Variants in VPS54 observed in about 807,000 individuals in gnomAD.
VPS54 encodes the protein vacuolar protein sorting-associated protein 54.
In VPS54, 45 loss-of-function variants were observed where a neutral mutation model predicts 121.5. The ratio of observed to expected loss-of-function variants is 0.37; its 90% CI spans 0.29 to 0.47. The LOEUF (loss-of-function observed/expected upper bound fraction) is 0.47. VPS54 is among the 20% of genes least tolerant of loss of function. VPS54 has a pLI of 0.99. For synonymous variants in VPS54, 371 were observed against 385.8 expected (o/e 0.96, Z 0.45); for missense variants, 1,090 against 1,131.4 (o/e 0.96, Z 0.52).
chr2:64,014,037 A>G (rs1340771128), intron 1 of VPS54, among the ~76,000 whole-genome samples: 1 of 148,520 alleles, frequency 6.7e-6, no homozygotes, highest in Non-Finnish European at 1.5e-5. Context: ...CTTAAAATAC[A>G]AAAATTTGCT....
At chr2:64,013,584 A>C (rs1559059870) in intron 1 of VPS54, among the ~76,000 whole-genome samples, 1 of 146,976 alleles carries the variant, frequency 6.8e-6, no homozygotes, top group African/African-American at 2.5e-5. Context: ...ATTTATATAT[A>C]AATATATATC....
intron 20 of VPS54, among the ~76,000 whole-genome samples, chr2:63,908,946 T>C (rs575503594): frequency 1.4e-4 from 22 of 152,312 alleles, no homozygotes; most frequent in Middle Eastern, 3.4e-3. Flanking sequence ...TGACAATGAA[T>C]TGCCTTAAAA....
intron 1 of VPS54, among the ~76,000 whole-genome samples, chr2:63,994,682 T>C (rs1677496241): frequency 6.6e-6 from 1 of 152,162 alleles, no homozygotes; most frequent in Admixed American, 6.6e-5. Flanking sequence ...TCTCCCTTTC[T>C]CCTTTAAGAC....
At chr2:64,017,336 CA>C (rs34819872) in intron 1 of VPS54, among the ~76,000 whole-genome samples, 110 of 96,802 alleles carry the variant, frequency 1.1e-3, no homozygotes, top group East Asian at 1.7e-3. Flanking sequence ...GACCCCGTCT[CA>C]AAAAAAAAAA....
chr2:63,980,177 A>T (rs373542033), intron 3 of VPS54, among the ~76,000 whole-genome samples: 37 of 152,304 alleles, frequency 2.4e-4, no homozygotes, highest in African/African-American at 7.2e-4. Flanking sequence ...CTTCTTGGTT[A>T]GCTGACCCTT....
intron 22 of VPS54, among the ~76,000 whole-genome samples, chr2:63,893,890 T>G (rs1381039743): frequency 2.6e-5 from 4 of 152,058 alleles, no homozygotes; most frequent in Non-Finnish European, 5.9e-5. Context: ...AGTATGGGAG[T>G]GCTGACTAAA....
At chr2:63,959,157 TAAGA>T (rs765496384) in intron 7 of VPS54, among the ~76,000 whole-genome samples, 6 of 152,134 alleles carry the variant, frequency 3.9e-5, no homozygotes, top group Non-Finnish European at 8.8e-5. Context: ...TGAAACTATA[TAAGA>T]AAGTAACTAA....
At chr2:63,896,591 T>C (rs1400028248) in intron 22 of VPS54, among the ~76,000 whole-genome samples, 1 of 152,216 alleles carries the variant, frequency 6.6e-6, no homozygotes, top group Non-Finnish European at 1.5e-5. Flanking sequence ...AGCTTTCACA[T>C]AGCTCTTTGC....
chr2:63,927,201 C>A (rs1673947840), intron 12 of VPS54, among the ~76,000 whole-genome samples: 1 of 152,200 alleles, frequency 6.6e-6, no homozygotes, highest in Non-Finnish European at 1.5e-5. Flanking sequence ...CAGACTGCCT[C>A]CTCAAGTGGA....
chr2:63,986,098 C>T (rs1287955108), intron 1 of VPS54, among the ~76,000 whole-genome samples: 1 of 152,148 alleles, frequency 6.6e-6, no homozygotes, highest in Non-Finnish European at 1.5e-5. Flanking sequence ...TGTGAGTACA[C>T]AGTAGGTATT....
At chr2:63,903,198 A>G (rs1387116705) in intron 20 of VPS54, among the ~76,000 whole-genome samples, 2 of 152,236 alleles carry the variant, frequency 1.3e-5, no homozygotes, top group East Asian at 3.8e-4. Context: ...AAAATCAAAG[A>G]CAATATTTTG....
chr2:63,951,993 A>G (rs1318527170), intron 7 of VPS54, among the ~76,000 whole-genome samples: 2 of 152,186 alleles, frequency 1.3e-5, no homozygotes, highest in Non-Finnish European at 1.5e-5. Flanking sequence ...CTGAATATCA[A>G]TGGTGGTAGC....
intron 1 of VPS54, among the ~76,000 whole-genome samples, chr2:63,990,178 T>C (rs978911908): frequency 1.3e-5 from 2 of 152,242 alleles, no homozygotes; most frequent in East Asian, 1.9e-4. Flanking sequence ...TGGACTTCGT[T>C]ATCTGATCAG....
intron 1 of VPS54, among the ~76,000 whole-genome samples, chr2:64,001,917 G>A (rs1363708629): frequency 1.3e-5 from 2 of 152,202 alleles, no homozygotes; most frequent in South Asian, 4.1e-4. Context: ...GCCGAGCCCA[G>A]TTCAGCACTA....
intron 7 of VPS54, among the ~76,000 whole-genome samples, chr2:63,951,037 A>G (rs897995617): frequency 6.6e-6 from 1 of 152,068 alleles, no homozygotes; most frequent in Non-Finnish European, 1.5e-5. Flanking sequence ...ACCACTTGAT[A>G]TCTTAGCTTT....
rs114187068 is a variant in VPS54 at position 63,940,428 on chromosome 2, C to T, written c.1398+2037G>A. Reference sequence around the variant, plus strand: ...ATAATCAATCAGTTTTCATATAGCACATACATAAAATAATAACTCTACTTA... The same window carrying T: ...ATAATCAATCAGTTTTCATATAGCATATACATAAAATAATAACTCTACTTA... On this transcript the variant is annotated intron_variant, in intron 11 of 22. Transcript: ENST00000272322. 1.7e-3 allele frequency among the ~76,000 whole-genome samples: 262 copies of T among 152,148 alleles called. 1 individual carries two copies. The highest frequency in any genetic ancestry group is 3.4e-3 in the Middle Eastern group (1 of 294).
chr2:63,905,748 A>T (rs1422515052), intron 20 of VPS54, among the ~76,000 whole-genome samples: 1 of 152,118 alleles, frequency 6.6e-6, no homozygotes, highest in Non-Finnish European at 1.5e-5. Context: ...AACCCTATAG[A>T]CCAATATCCT....
chr2:63,957,797 T>C (rs141751862), intron 7 of VPS54, among the ~76,000 whole-genome samples: 100 of 152,288 alleles, frequency 6.6e-4, no homozygotes, highest in African/African-American at 2.1e-3. Flanking sequence ...GAGTATCCAA[T>C]AGTAGTTATA....
rs950167115 is a variant in VPS54 at position 63,932,227 on chromosome 2, A to G, written c.1739+1446T>C. On this transcript the variant is annotated intron_variant, in intron 12 of 22. Coordinates refer to ENST00000272322, the MANE Select transcript of VPS54 (RefSeq NM_016516.3). ...CACACGTATGTTTACTGTGGGGACT[A>G]TTCACAATAGCAAAGACTTGGAACC... 5.3e-5 allele frequency among the ~76,000 whole-genome samples: 8 copies of G among 152,304 alleles called. No individual in the cohort carries two copies. In the South Asian group the frequency reaches 1.7e-3, roughly 32 times the overall value.
Sources: allele counts gnomAD v4.1 joint callset (sites outside exome capture counted in the v4.1 genomes callset), GRCh38; gene constraint gnomAD v4.1.1; transcripts MANE v1.5; gene names NCBI Gene and HGNC (gene_info 2026-07-23, HGNC 2026-07-21).